Variants in BICD1 observed in about 807,000 individuals in gnomAD.
The protein encoded by BICD1 is protein bicaudal D homolog 1.
BICD1 carries 35 observed loss-of-function variants against 92.5 expected under a neutral mutation model. That is an observed-to-expected ratio of 0.38 (90% confidence interval 0.29 to 0.50). The LOEUF is 0.50. BICD1 is among the 20% of genes least tolerant of loss of function. BICD1 has a pLI of 0.93. For synonymous variants in BICD1, 429 were observed against 465.1 expected (o/e 0.92, Z 1.00); for missense variants, 950 against 1,189.8 (o/e 0.80, Z 2.97).
At chr12:32,212,126 C>T (rs1386340934) in intron 1 of BICD1, among the ~76,000 whole-genome samples, 7 of 152,202 alleles carry the variant, frequency 4.6e-5, no homozygotes, top group African/African-American at 1.7e-4. Flanking sequence ...TTCTGTCTCA[C>T]TGATGCTTAG....
intron 5 of BICD1, among the ~76,000 whole-genome samples, chr12:32,330,492 G>A (rs1157662079): frequency 6.6e-6 from 1 of 151,526 alleles, no homozygotes; most frequent in Non-Finnish European, 1.5e-5. Flanking sequence ...GTTAATGGGT[G>A]CAGCACACCA....
chr12:32,211,223 T>C (rs1462983584), intron 1 of BICD1, among the ~76,000 whole-genome samples: 1 of 152,210 alleles, frequency 6.6e-6, no homozygotes. Context: ...AAAAACATGA[T>C]GGTTAGTGTC....
intron 1 of BICD1, among the ~76,000 whole-genome samples, chr12:32,195,482 T>C (rs953857058): frequency 9.2e-5 from 14 of 152,156 alleles, no homozygotes; most frequent in African/African-American, 3.4e-4. Context: ...CCCAAACATA[T>C]ATGGTCATCT....
At chr12:32,326,054 G>A (rs1409548896) in intron 4 of BICD1, among the ~76,000 whole-genome samples, 1 of 44,358 alleles carries the variant, frequency 2.3e-5, no homozygotes, top group African/African-American at 8.5e-5. Flanking sequence ...CTGCACTCCA[G>A]CCTGGGAGAG....
At chr12:32,303,970 G>A (rs1326663025) in intron 3 of BICD1, among the ~76,000 whole-genome samples, 1 of 152,126 alleles carries the variant, frequency 6.6e-6, no homozygotes, top group African/African-American at 2.4e-5. Context: ...AGCTACTCAG[G>A]AGGCTGAGGC....
intron 1 of BICD1, among the ~76,000 whole-genome samples, chr12:32,152,027 G>C (rs1044802592): frequency 4.6e-5 from 7 of 152,080 alleles, no homozygotes; most frequent in Non-Finnish European, 1.0e-4. Flanking sequence ...CGCGTTCTCA[G>C]CTCACTGCAA....
At chr12:32,325,958 C>T (rs908976228) in intron 4 of BICD1, among the ~76,000 whole-genome samples, 4 of 151,214 alleles carry the variant, frequency 2.6e-5, no homozygotes, top group African/African-American at 9.7e-5. Context: ...TCGTGGGCGC[C>T]TGTAGTCCCA....
At chr12:32,190,075 A>T (rs1944524069) in intron 1 of BICD1, among the ~76,000 whole-genome samples, 1 of 152,220 alleles carries the variant, frequency 6.6e-6, no homozygotes, top group African/African-American at 2.4e-5. Flanking sequence ...TGTAAGGTCC[A>T]TGGTAACCCC....
chr12:32,143,016 C>A (rs1384446472), intron 1 of BICD1, among the ~76,000 whole-genome samples: 1 of 152,198 alleles, frequency 6.6e-6, no homozygotes, highest in Non-Finnish European at 1.5e-5. Flanking sequence ...TTCTTTTCTT[C>A]ATAGCACTTA....
chr12:32,262,489 T>C (rs552362878), intron 2 of BICD1, among the ~76,000 whole-genome samples: 2 of 152,286 alleles, frequency 1.3e-5, no homozygotes, highest in South Asian at 4.2e-4. Flanking sequence ...GTAGATTGCA[T>C]AGTGGCCCCC....
chr12:32,287,731 G>T (rs1237885750), intron 2 of BICD1, among the ~76,000 whole-genome samples: 1 of 152,084 alleles, frequency 6.6e-6, no homozygotes, highest in East Asian at 1.9e-4. Context: ...TAGAAACGAG[G>T]TTTCACCGTG....
At chr12:32,329,743 A>G (rs1398708833) in intron 5 of BICD1, among the ~76,000 whole-genome samples, 1 of 152,228 alleles carries the variant, frequency 6.6e-6, no homozygotes, top group Non-Finnish European at 1.5e-5. Context: ...CTTCTGGACA[A>G]GTAGTAATGT....
At chr12:32,180,218 C>A (rs925564184) in intron 1 of BICD1, among the ~76,000 whole-genome samples, 1 of 151,836 alleles carries the variant, frequency 6.6e-6, no homozygotes, top group African/African-American at 2.4e-5. Flanking sequence ...CTCTGCGACT[C>A]CTCTTAAAGA....
At chr12:32,310,282 G>A (rs1009299228) in intron 4 of BICD1, among the ~76,000 whole-genome samples, 3 of 152,218 alleles carry the variant, frequency 2.0e-5, no homozygotes, top group African/African-American at 7.2e-5. Context: ...TGTTGGATGG[G>A]CAGTAAGCCA....
chr12:32,233,322 T>TTTAAAAAAAAA (rs35803631), intron 2 of BICD1, among the ~76,000 whole-genome samples: 3 of 127,080 alleles, frequency 2.4e-5, no homozygotes, highest in Non-Finnish European at 3.3e-5. Context: ...AGTCTGTCTT[T>TTTAAAAAAAAA]AAAAAAAAAA....
chr12:32,351,355 G>A (rs749746881), intron 8 of BICD1, among the ~76,000 whole-genome samples: 6 of 151,156 alleles, frequency 4.0e-5, no homozygotes, highest in South Asian at 4.2e-4. Context: ...GCATGGTGGC[G>A]CACGCCTGTA....
intron 2 of BICD1, among the ~76,000 whole-genome samples, chr12:32,287,531 G>GT (rs576396740): frequency 0.021 from 2,460 of 119,876 alleles, 71 homozygotes; most frequent in African/African-American, 0.057. Flanking sequence ...GCTGGGTGGT[G>GT]TTTTTTTTTT....
At chr12:32,308,141 A>G (rs1948278644) in intron 4 of BICD1, among the ~76,000 whole-genome samples, 2 of 152,246 alleles carry the variant, frequency 1.3e-5, no homozygotes, top group South Asian at 4.1e-4. Flanking sequence ...AGAATGGTGG[A>G]AAACAAGTAA....
chr12:32,377,391 C>T (rs2136348454), intron 9 of BICD1, 149 bp from the exon 10 acceptor site: 1 of 638,224 alleles, frequency 1.6e-6, no homozygotes, highest in Middle Eastern at 2.6e-4. Context: ...CTACCATTAT[C>T]TTGGCATGCT....
Sources: gnomAD v4.1 joint callset for allele counts (sites outside exome capture counted in the v4.1 genomes callset) on GRCh38, gnomAD v4.1.1 for gene constraint, MANE v1.5 for transcripts, NCBI Gene and HGNC (gene_info 2026-07-23, HGNC 2026-07-21) for gene names.